The following MCC variants were observed in gnomAD, a reference collection of about 807,000 sequenced individuals.
The protein encoded by MCC is MCC regulator of Wnt signaling pathway, also known as colorectal mutant cancer protein.
A neutral mutation model predicts 116.2 loss-of-function variants in MCC; 90 were observed. The observed-to-expected ratio is 0.77, with a 90% CI of 0.65 to 0.92. The LOEUF is 0.92. Ranked by LOEUF, MCC falls within the 40% of genes least tolerant of loss-of-function variation. The pLI is 0.00. For synonymous variants in MCC, 578 were observed against 510.5 expected (o/e 1.13, Z -1.78); for missense variants, 1,516 against 1,312.2 (o/e 1.16, Z -2.40).
At chr5:113,271,124 T>C (rs147944521) in intron 3 of MCC, among the ~76,000 whole-genome samples, 9 of 152,316 alleles carry the variant, frequency 5.9e-5, no homozygotes, top group African/African-American at 1.9e-4. Context: ...GCAGGAAATA[T>C]ACTTATCTAA....
intron 2 of MCC, among the ~76,000 whole-genome samples, chr5:113,356,150 A>C (rs1339582734): frequency 1.3e-5 from 2 of 149,522 alleles, no homozygotes; most frequent in African/African-American, 4.9e-5. Context: ...GTAGCATCCA[A>C]CTCCTGAGCT....
At chr5:113,407,508 T>C (rs1255125424) in intron 1 of MCC, among the ~76,000 whole-genome samples, 2 of 152,196 alleles carry the variant, frequency 1.3e-5, no homozygotes, top group Admixed American at 6.5e-5. Context: ...GGTGAGCCAG[T>C]GTCTCCCCTA....
At chr5:113,452,590 A>G (rs1197837855) in intron 1 of MCC, among the ~76,000 whole-genome samples, 1 of 152,254 alleles carries the variant, frequency 6.6e-6, no homozygotes, top group African/African-American at 2.4e-5. Context: ...TGGCAACCAG[A>G]ACTGTGACAC....
At chr5:113,036,968 T>C (rs945722194) in intron 17 of MCC, among the ~76,000 whole-genome samples, 2 of 152,228 alleles carry the variant, frequency 1.3e-5, no homozygotes, top group Non-Finnish European at 2.9e-5. Context: ...TGTGCTTTTA[T>C]GGAATTCTAA....
chr5:113,063,509 G>C (rs1467434633), intron 14 of MCC, among the ~76,000 whole-genome samples: 1 of 152,198 alleles, frequency 6.6e-6, no homozygotes, highest in Non-Finnish European at 1.5e-5. Flanking sequence ...AGAGGCTCTT[G>C]CCTGAGAAGA....
chr5:113,071,936 C>T (rs571640220), intron 11 of MCC, among the ~76,000 whole-genome samples: 1 of 152,316 alleles, frequency 6.6e-6, no homozygotes, highest in African/African-American at 2.4e-5. Context: ...AGTCTAGCAG[C>T]TCTAACTAGT....
At chr5:113,050,623 T>A (rs898772754) in intron 15 of MCC, among the ~76,000 whole-genome samples, 3 of 152,232 alleles carry the variant, frequency 2.0e-5, no homozygotes, top group Non-Finnish European at 4.4e-5. Flanking sequence ...CCCAGAGCCT[T>A]CGGATCTTTT....
At chr5:113,145,591 C>G (rs1371415546) in intron 4 of MCC, among the ~76,000 whole-genome samples, 1 of 152,134 alleles carries the variant, frequency 6.6e-6, no homozygotes, top group Non-Finnish European at 1.5e-5. Context: ...GGCACACCAT[C>G]AATAAAAACC....
At chr5:113,327,561 A>AAAAAAAAATAT (rs1480996383) in intron 3 of MCC, among the ~76,000 whole-genome samples, 44 of 80,550 alleles carry the variant, frequency 5.5e-4, no homozygotes, top group African/African-American at 2.0e-3. Context: ...AAAAAAAAAA[A>AAAAAAAAATAT]ATATATATAT....
At chr5:113,028,852 T>TG (rs1750757200) in intron 18 of MCC, 82 bp downstream of exon 18, 1 of 1,486,730 alleles carries the variant, frequency 6.7e-7, no homozygotes, top group Non-Finnish European at 9.2e-7. Context: ...TGTCCATCCC[T>TG]GGTGCTGTGT....
intron 3 of MCC, among the ~76,000 whole-genome samples, chr5:113,178,213 C>T (rs1247965816): frequency 6.6e-6 from 1 of 152,192 alleles, no homozygotes; most frequent in African/African-American, 2.4e-5. Flanking sequence ...GTCACTTAGA[C>T]AGTTAACAAA....
intron 1 of MCC, among the ~76,000 whole-genome samples, chr5:113,438,498 G>C (rs1037028597): frequency 1.3e-5 from 2 of 152,016 alleles, no homozygotes; most frequent in Non-Finnish European, 2.9e-5. Context: ...AAGGAAAAAA[G>C]GTATGCAAAA....
chr5:113,433,345 T>G, intron 1 of MCC: 1 of 358,236 alleles, frequency 2.8e-6, no homozygotes, highest in South Asian at 2.4e-5. Flanking sequence ...GTCACGCAAC[T>G]GCCCCGGGGA....
rs754750736 is a variant in MCC, at chr5:113,143,202, G to T, written c.884+16C>A. On this transcript the variant is annotated intron_variant, in intron 5 of 18. Transcript: ENST00000408903. ...TAGCAGAAGGGGCAGAGTAAAAGCC[G>T]AATGGAGCCGCGTACCTGATGGTGG... is the stretch of plus-strand genomic sequence containing the variant. 1 of 1,584,172 alleles carries T rather than the reference G, an allele frequency of 6.3e-7. No homozygotes were observed. Among genetic ancestry groups the T allele is most frequent in the Non-Finnish European group, 8.6e-7 (1 of 1,167,548 alleles).
chr5:113,404,051 G>C (rs1769762859), intron 1 of MCC, among the ~76,000 whole-genome samples: 1 of 151,984 alleles, frequency 6.6e-6, no homozygotes, highest in South Asian at 2.1e-4. Context: ...ATTTTTAGTA[G>C]AGATGGCATT....
chr5:113,349,621 C>A (rs1186633262), intron 2 of MCC, among the ~76,000 whole-genome samples: 4 of 151,926 alleles, frequency 2.6e-5, no homozygotes, highest in Non-Finnish European at 2.9e-5. Context: ...AGTCTTTTCT[C>A]AAAAATCTGG....
chr5:113,383,475 T>C (rs1769175473), intron 2 of MCC, among the ~76,000 whole-genome samples: 1 of 152,166 alleles, frequency 6.6e-6, no homozygotes, highest in Admixed American at 6.5e-5. Context: ...AGATACAAAA[T>C]ATGCAGAAGA....
intron 16 of MCC, chr5:113,044,427 G>A (rs1751933250): frequency 1.1e-6 from 1 of 921,548 alleles, no homozygotes; most frequent in South Asian, 5.0e-5. Flanking sequence ...TCCATGCACA[G>A]AGAGGACAGC....
At chr5:113,255,779 GCCA>G (rs1399386102) in intron 3 of MCC, among the ~76,000 whole-genome samples, 3 of 152,250 alleles carry the variant, frequency 2.0e-5, no homozygotes, top group East Asian at 1.9e-4. Flanking sequence ...GGCTAAACAA[GCCA>G]CCACATTTGC....
Sources: allele counts gnomAD v4.1 joint callset (sites outside exome capture counted in the v4.1 genomes callset), GRCh38; gene constraint gnomAD v4.1.1; transcripts MANE v1.5; gene names NCBI Gene and HGNC (gene_info 2026-07-23, HGNC 2026-07-21).